Variants in CDH8 observed in about 807,000 individuals in gnomAD.
CDH8 encodes the protein cadherin-8.
CDH8 carries 17 observed loss-of-function variants against 68.1 expected under a neutral mutation model. That is an observed-to-expected ratio of 0.25 (90% CI 0.17 to 0.37). CDH8 has a LOEUF of 0.37. CDH8 is among the 10% of genes least tolerant of loss of function. The probability of loss-of-function intolerance (pLI) is 1.00; values close to 1 mark genes in which losing one functional copy is unlikely to be tolerated. For synonymous variants in CDH8, 372 were observed against 365.1 expected (o/e 1.02, Z -0.21); for missense variants, 763 against 999.3 (o/e 0.76, Z 3.19).
intron 7 of CDH8, among the ~76,000 whole-genome samples, chr16:61,792,782 A>C (rs1300586099): frequency 6.6e-6 from 1 of 151,968 alleles, no homozygotes; most frequent in East Asian, 1.9e-4. Flanking sequence ...ATTGCTGTGA[A>C]GATCACATGA....
intron 10 of CDH8, among the ~76,000 whole-genome samples, chr16:61,712,708 C>T (rs1341172214): frequency 6.6e-6 from 1 of 151,556 alleles, no homozygotes; most frequent in Non-Finnish European, 1.5e-5. Flanking sequence ...TTTGTCTCCT[C>T]AGTGTTTATA....
chr16:61,970,250 T>G (rs888438618), intron 2 of CDH8, among the ~76,000 whole-genome samples: 5 of 152,042 alleles, frequency 3.3e-5, no homozygotes, highest in Non-Finnish European at 5.9e-5. Flanking sequence ...ATTTAGAAAC[T>G]TAAAAAAAGA....
At chr16:61,955,645 T>C (rs1212350552) in intron 2 of CDH8, among the ~76,000 whole-genome samples, 1 of 152,222 alleles carries the variant, frequency 6.6e-6, no homozygotes. Context: ...AGAAAGAGTT[T>C]ATCATAAGGT....
intron 2 of CDH8, among the ~76,000 whole-genome samples, chr16:61,917,666 C>T (rs1256059125): frequency 6.6e-6 from 1 of 152,172 alleles, no homozygotes; most frequent in Non-Finnish European, 1.5e-5. Context: ...TGTGAACATT[C>T]TATCTCACCA....
At chr16:61,755,751 C>T (rs575052678) in intron 8 of CDH8, among the ~76,000 whole-genome samples, 2 of 139,890 alleles carry the variant, frequency 1.4e-5, no homozygotes, top group East Asian at 2.0e-4. Context: ...GTAGAGTTTT[C>T]TTCTTTTTCT....
Position 61,857,387 on chromosome 16 carries a change from C to G in CDH8, c.548-149G>C. 3 of 641,406 alleles carry G rather than the reference C, an allele frequency of 4.7e-6. No individual in the cohort carries two copies. In the South Asian group the frequency reaches 6.1e-5, roughly 13 times the overall value. 39.7% of individuals were successfully genotyped at this position (641,406 alleles called of 1,614,324 possible). On this transcript the variant is annotated intron_variant, in intron 3 of 11. Transcript: ENST00000577390. ...TAAAAAGTTGAAGATAAACTGCTCT[C>G]TCATAACTTCAACAATATCTAAGTC...
chr16:61,915,375 C>A (rs183876291), intron 2 of CDH8, among the ~76,000 whole-genome samples: 79 of 152,280 alleles, frequency 5.2e-4, no homozygotes, highest in African/African-American at 1.8e-3. Context: ...CTATGAGGCA[C>A]ATACAAAATT....
rs978385272 is a variant in CDH8, at chr16:61,901,508, C to T, written c.253-35G>A. On this transcript the variant is annotated intron_variant, in intron 2 of 11. Coordinates refer to ENST00000577390, the MANE Select transcript of CDH8 (RefSeq NM_001796.5). ...AAAATGGCATTAGTTAGTGATGGAG[C>T]AATCTGAAAAGTTATTTTTTTAACT... 4 of 1,522,912 alleles carry T rather than the reference C, an allele frequency of 2.6e-6. No homozygotes were observed. In the African/African-American group the frequency reaches 5.6e-5, roughly 21 times the overall value. The allele number at this position is 1,522,912 out of a possible 1,614,324, so 94.3% of individuals were successfully genotyped here. A position where few individuals can be genotyped will look rare whatever the true frequency, so the allele number is the denominator to read the frequency against.
chr16:61,669,518 T>C (rs954295988), intron 10 of CDH8, among the ~76,000 whole-genome samples: 3 of 152,068 alleles, frequency 2.0e-5, no homozygotes, highest in African/African-American at 7.2e-5. Flanking sequence ...AATTAATCCT[T>C]GATGAAGGAA....
rs747238007 is a variant in CDH8 at position 61,988,104 on chromosome 16, A to T, written c.252+33048T>A. Among the ~76,000 whole-genome samples the T allele has an allele frequency of 6.8e-4, 104 of 152,294 alleles. 1 individual carries two copies. The highest frequency in any genetic ancestry group is 1.3e-3 in the Non-Finnish European group (89 of 68,006). ...TTACAATACTCAGAATACTCAGGAC[A>T]TTACTGTTATTTTCCCTTTGTTCTT... On this transcript the variant is annotated intron_variant, in intron 2 of 11. Coordinates refer to ENST00000577390, the MANE Select transcript of CDH8 (RefSeq NM_001796.5).
At chr16:61,718,274 T>A (rs373782400) in intron 9 of CDH8, among the ~76,000 whole-genome samples, 2 of 151,394 alleles carry the variant, frequency 1.3e-5, no homozygotes, top group African/African-American at 4.8e-5. Flanking sequence ...GCACACCAAG[T>A]GAACATTTAA....
intron 8 of CDH8, among the ~76,000 whole-genome samples, chr16:61,735,469 G>A (rs1386429680): frequency 6.6e-6 from 1 of 151,984 alleles, no homozygotes; most frequent in Non-Finnish European, 1.5e-5. Context: ...TCTCTCCTGA[G>A]AATTTCGATA....
At chr16:61,892,858 T>G (rs1049024357) in intron 3 of CDH8, among the ~76,000 whole-genome samples, 2 of 151,988 alleles carry the variant, frequency 1.3e-5, no homozygotes, top group Non-Finnish European at 1.5e-5. Flanking sequence ...ATATTAAAAA[T>G]AAAGAGATAC....
intron 2 of CDH8, among the ~76,000 whole-genome samples, chr16:62,012,388 C>T (rs2150605125): frequency 6.6e-6 from 1 of 152,266 alleles, no homozygotes; most frequent in Non-Finnish European, 1.5e-5. Context: ...AAGATTGTAG[C>T]TGTTCTTTCT....
intron 2 of CDH8, among the ~76,000 whole-genome samples, chr16:61,971,704 G>A (rs1965343299): frequency 6.6e-6 from 1 of 152,158 alleles, no homozygotes; most frequent in Non-Finnish European, 1.5e-5. Context: ...GAGTTTGGAG[G>A]GTGGGGTTGA....
intron 2 of CDH8, among the ~76,000 whole-genome samples, chr16:62,012,700 G>A (rs1210617282): frequency 6.6e-6 from 1 of 152,012 alleles, no homozygotes; most frequent in East Asian, 1.9e-4. Flanking sequence ...CACATATATT[G>A]GCGGAAAAAA....
At chr16:61,871,847 A>AC (rs1963375400) in intron 3 of CDH8, among the ~76,000 whole-genome samples, 2 of 99,976 alleles carry the variant, frequency 2.0e-5, no homozygotes, top group Admixed American at 1.1e-4. Flanking sequence ...AAAAAAAAAA[A>AC]CCCAGAAATC....
intron 4 of CDH8, among the ~76,000 whole-genome samples, chr16:61,854,029 C>T (rs1173393657): frequency 2.0e-5 from 3 of 151,608 alleles, no homozygotes; most frequent in Non-Finnish European, 2.9e-5. Context: ...TATACAAGCA[C>T]ATATTTACAT....
At chr16:61,749,300 T>C (rs1960100524) in intron 8 of CDH8, among the ~76,000 whole-genome samples, 1 of 152,064 alleles carries the variant, frequency 6.6e-6, no homozygotes, top group Non-Finnish European at 1.5e-5. Context: ...AATCTTCCTC[T>C]GTCTATACCA....
Sources: allele counts gnomAD v4.1 joint callset (sites outside exome capture counted in the v4.1 genomes callset), GRCh38; gene constraint gnomAD v4.1.1; transcripts MANE v1.5; gene names NCBI Gene and HGNC (gene_info 2026-07-23, HGNC 2026-07-21).